The following GALNTL6 variants were observed in gnomAD, a reference collection of about 807,000 sequenced individuals.
GALNTL6 encodes polypeptide N-acetylgalactosaminyltransferase-like 6.
Under a neutral mutation model 73.7 loss-of-function variants are expected in GALNTL6, and 46 were observed. That is an observed-to-expected ratio of 0.62 (90% CI 0.49 to 0.80). The LOEUF is 0.80. GALNTL6 is among the 30% of genes least tolerant of loss of function. GALNTL6 has a pLI of 0.00. For synonymous variants in GALNTL6, 259 were observed against 263.7 expected (o/e 0.98, Z 0.17); for missense variants, 604 against 755.0 (o/e 0.80, Z 2.34).
At chr4:172,261,683 G>T (rs530468233) in intron 3 of GALNTL6, among the ~76,000 whole-genome samples, 2 of 151,194 alleles carry the variant, frequency 1.3e-5, no homozygotes, top group South Asian at 4.2e-4. Flanking sequence ...CATGGGATAT[G>T]ACCTTAGATT....
chr4:172,720,907 A>G (rs372382647), intron 5 of GALNTL6, among the ~76,000 whole-genome samples: 1 of 152,210 alleles, frequency 6.6e-6, no homozygotes, highest in East Asian at 1.9e-4. Flanking sequence ...CTTTTAAGAA[A>G]TCAGCTTGGT....
At chr4:171,960,626 A>G (rs914538933) in intron 2 of GALNTL6, among the ~76,000 whole-genome samples, 1 of 151,442 alleles carries the variant, frequency 6.6e-6, no homozygotes, top group Admixed American at 6.6e-5. Context: ...TTCTGTTTTA[A>G]AACAAATAAA....
chr4:173,028,959 G>C (rs1419054142), intron 12 of GALNTL6, among the ~76,000 whole-genome samples: 3 of 152,140 alleles, frequency 2.0e-5, no homozygotes, highest in African/African-American at 7.2e-5. Context: ...GGAATTTTTG[G>C]CATCTGCCTA....
intron 5 of GALNTL6, among the ~76,000 whole-genome samples, chr4:172,450,865 C>T (rs1221891547): frequency 6.6e-6 from 1 of 152,206 alleles, no homozygotes; most frequent in African/African-American, 2.4e-5. Context: ...AAATAGACTC[C>T]AGTCATTCTC....
At chr4:172,945,488 T>G (rs867892076) in intron 9 of GALNTL6, among the ~76,000 whole-genome samples, 1 of 152,240 alleles carries the variant, frequency 6.6e-6, no homozygotes, top group African/African-American at 2.4e-5. Context: ...TTACCAGCAT[T>G]TTTTAAGACA....
intron 2 of GALNTL6, among the ~76,000 whole-genome samples, chr4:172,098,454 A>G (rs184213770): frequency 7.9e-5 from 12 of 152,272 alleles, no homozygotes; most frequent in Admixed American, 6.5e-4. Context: ...GAACACAGTC[A>G]AACTGTTGCA....
chr4:172,731,994 G>GA (rs761166414), intron 5 of GALNTL6, among the ~76,000 whole-genome samples: 1 of 151,590 alleles, frequency 6.6e-6, no homozygotes, highest in South Asian at 2.1e-4. Context: ...TATATTCAGT[G>GA]AAAAAAATGC....
chr4:173,034,149 A>G (rs1248002509), intron 12 of GALNTL6, among the ~76,000 whole-genome samples: 2 of 152,118 alleles, frequency 1.3e-5, no homozygotes, highest in African/African-American at 2.4e-5. Flanking sequence ...CACTTCTCAG[A>G]TCACTCCCTG....
chr4:172,219,838 A>G (rs1736615273), intron 2 of GALNTL6, among the ~76,000 whole-genome samples: 1 of 151,986 alleles, frequency 6.6e-6, no homozygotes, highest in African/African-American at 2.4e-5. Context: ...TATAATGGAA[A>G]GCAACCTGGT....
chr4:171,989,830 G>A (rs1740277381), intron 2 of GALNTL6, among the ~76,000 whole-genome samples: 2 of 152,320 alleles, frequency 1.3e-5, no homozygotes, highest in South Asian at 2.1e-4. Flanking sequence ...TCTCAGGGTT[G>A]CTGCCGAACG....
At chr4:172,079,715 A>G (rs2110918435) in intron 2 of GALNTL6, among the ~76,000 whole-genome samples, 1 of 152,044 alleles carries the variant, frequency 6.6e-6, no homozygotes, top group South Asian at 2.1e-4. Context: ...TCTTCTGTGT[A>G]TTTGGAATTG....
At chr4:172,366,701 CCCTAA>C (rs1742577476) in intron 5 of GALNTL6, among the ~76,000 whole-genome samples, 1 of 152,140 alleles carries the variant, frequency 6.6e-6, no homozygotes, top group Non-Finnish European at 1.5e-5. Flanking sequence ...TCCTCCCCTC[CCCTAA>C]CCTTGATTTT....
At chr4:172,178,748 G>A (rs1735133665) in intron 2 of GALNTL6, among the ~76,000 whole-genome samples, 2 of 130,100 alleles carry the variant, frequency 1.5e-5, no homozygotes, top group African/African-American at 3.0e-5. Context: ...CTGGTGCGCT[G>A]CACCCACTAA....
intron 3 of GALNTL6, among the ~76,000 whole-genome samples, chr4:172,239,404 A>G (rs1444176715): frequency 6.6e-6 from 1 of 152,132 alleles, no homozygotes; most frequent in Non-Finnish European, 1.5e-5. Flanking sequence ...GTAGTCTCTG[A>G]AGATTTTTTG....
At chr4:172,312,292 T>C (rs1740389620) in intron 4 of GALNTL6, among the ~76,000 whole-genome samples, 1 of 152,248 alleles carries the variant, frequency 6.6e-6, no homozygotes, top group Admixed American at 6.5e-5. Context: ...GTTGAGTTTC[T>C]ATTGAACTGT....
intron 6 of GALNTL6, 88 bp from the exon 7 acceptor site, chr4:172,813,452 G>A: frequency 9.3e-7 from 1 of 1,077,086 alleles, no homozygotes; most frequent in Non-Finnish European, 1.4e-6. Context: ...TTATGCATTA[G>A]TGGAGGACTG....
intron 5 of GALNTL6, among the ~76,000 whole-genome samples, chr4:172,701,207 G>C (rs939302395): frequency 6.6e-6 from 1 of 151,904 alleles, no homozygotes; most frequent in African/African-American, 2.4e-5. Context: ...TCCTTGGTGG[G>C]GTTTTACGTC....
chr4:171,875,081 C>A (rs1486488518), intron 2 of GALNTL6, among the ~76,000 whole-genome samples: 1 of 152,106 alleles, frequency 6.6e-6, no homozygotes, highest in Non-Finnish European at 1.5e-5. Flanking sequence ...TGAGAGAAAT[C>A]ACATTTAAGA....
chr4:172,497,643 A>G lies in GALNTL6; in HGVS notation c.553+148954A>G, dbSNP rs80018055. Among the ~76,000 whole-genome samples, 149 of 152,366 alleles carry G rather than the reference A, an allele frequency of 9.8e-4. No individual in the cohort carries two copies. In the East Asian group the frequency reaches 0.023, roughly 23 times the overall value. On this transcript the variant is annotated intron_variant, in intron 5 of 12. Transcript: ENST00000506823. Reference sequence around the variant, plus strand: ...GTAGTATTGGGCTTAGTGTCTATGAAATAGTTATGTAACAATTATTCAAAA... The same window carrying G: ...GTAGTATTGGGCTTAGTGTCTATGAGATAGTTATGTAACAATTATTCAAAA...
Sources: allele counts gnomAD v4.1 joint callset (sites outside exome capture counted in the v4.1 genomes callset), GRCh38; gene constraint gnomAD v4.1.1; transcripts MANE v1.5; gene names NCBI Gene and HGNC (gene_info 2026-07-23, HGNC 2026-07-21).